CPED1: variants seen among roughly 807,000 people sequenced by gnomAD.
CPED1 encodes the protein cadherin-like and PC-esterase domain-containing protein 1.
A neutral mutation model predicts 128.2 loss-of-function variants in CPED1; 114 were observed. That is an observed-to-expected ratio of 0.89 (90% CI 0.76 to 1.04). The LOEUF (loss-of-function observed/expected upper bound fraction) is 1.04. Among genes scored for constraint, CPED1 ranks in the 50% least tolerant of loss-of-function variants. CPED1 has a pLI of 0.00. For missense variants in CPED1, 1,211 were observed against 1,207.1 expected, an observed-to-expected ratio of 1.00 and a Z score of -0.05; for synonymous variants, 462 against 426.7, an observed-to-expected ratio of 1.08 and a Z score of -1.02.
intron 7 of CPED1, among the ~76,000 whole-genome samples, chr7:121,105,051 G>T (rs973713607): frequency 3.9e-5 from 6 of 151,980 alleles, no homozygotes; most frequent in Non-Finnish European, 8.8e-5. Context: ...CTCTACCACC[G>T]CTGCACTGGC....
At position 121,037,999 on chromosome 7, in the gene CPED1, C is replaced by T. The variant is rs1792944423; in HGVS notation, c.434-8888C>T. ...TGTACATTAATTTTGTATCCTGAAA[C>T]TTTGCTGAATTCGTTTACCAGTTCT... On this transcript the variant is annotated intron_variant, in intron 3 of 22. Transcript: ENST00000310396. Among the ~76,000 whole-genome samples, 4 of 152,146 alleles carry T rather than the reference C, an allele frequency of 2.6e-5. No homozygotes were observed. In the South Asian group the frequency reaches 8.3e-4, roughly 31 times the overall value.
intron 16 of CPED1, among the ~76,000 whole-genome samples, chr7:121,182,908 T>G (rs1796929868): frequency 1.3e-5 from 2 of 152,070 alleles, no homozygotes; most frequent in Non-Finnish European, 2.9e-5. Context: ...GTTTCCTCCT[T>G]TTTTTCCTCA....
intron 16 of CPED1, among the ~76,000 whole-genome samples, chr7:121,150,795 G>A (rs1018568959): frequency 1.3e-5 from 2 of 151,160 alleles, no homozygotes; most frequent in Admixed American, 6.6e-5. Flanking sequence ...TAGAGATGGA[G>A]TCTCGCTCTG....
chr7:121,207,104 T>A (rs1797535889), intron 16 of CPED1, among the ~76,000 whole-genome samples: 1 of 152,048 alleles, frequency 6.6e-6, no homozygotes, highest in Admixed American at 6.6e-5. Flanking sequence ...AATGACTACA[T>A]AATATTTCAT....
chr7:121,236,944 G>A lies in CPED1; in HGVS notation c.2173+113G>A, dbSNP rs1056419745. The A allele has an allele frequency of 2.0e-5, 10 of 508,426 alleles. No homozygotes were observed. In the South Asian group the frequency reaches 2.6e-4, roughly 13 times the overall value. 31.5% of individuals were successfully genotyped at this position (508,426 alleles called of 1,614,324 possible). A position where few individuals can be genotyped will look rare whatever the true frequency, so the allele number is the denominator to read the frequency against. ...AAAAACAAGGGCATTACTTTTTATT[G>A]ACAATGAACTATAAAGCATATAATT... is the stretch of plus-strand genomic sequence containing the variant. On this transcript the variant is annotated intron_variant, in intron 17 of 22. Transcript: ENST00000310396.
At chr7:121,192,932 C>T (rs947858244) in intron 16 of CPED1, among the ~76,000 whole-genome samples, 4 of 152,064 alleles carry the variant, frequency 2.6e-5, no homozygotes, top group African/African-American at 9.7e-5. Context: ...CAGGATCAAC[C>T]ATGTATTTTC....
intron 18 of CPED1, among the ~76,000 whole-genome samples, chr7:121,253,361 T>C (rs1798731405): frequency 6.6e-6 from 1 of 151,294 alleles, no homozygotes; most frequent in Non-Finnish European, 1.5e-5. Flanking sequence ...TACCTAATTC[T>C]AAATGACGAG....
rs1386293537 is a variant in CPED1 at position 121,265,144 on chromosome 7, A to G, written c.2311-1083A>G. ...AAGAACTTTCAAGGCAGACAGACTA[A>G]CATAAGGAAAAGCAGATGTTGAATG... On this transcript the variant is annotated intron_variant, in intron 18 of 22. Transcript: ENST00000310396. 2.6e-5 allele frequency among the ~76,000 whole-genome samples: 4 copies of G among 152,082 alleles called. No homozygotes were observed. The East Asian group carries it at 7.7e-4, about 29-fold the overall frequency.
At chr7:121,058,588 C>T (rs1793563983) in intron 4 of CPED1, among the ~76,000 whole-genome samples, 1 of 152,176 alleles carries the variant, frequency 6.6e-6, no homozygotes, top group Non-Finnish European at 1.5e-5. Context: ...TGTCTAAGAC[C>T]TCCTAGCTAA....
chr7:121,201,993 C>T (rs557284310), intron 16 of CPED1, among the ~76,000 whole-genome samples: 4 of 152,206 alleles, frequency 2.6e-5, no homozygotes, highest in African/African-American at 7.2e-5. Context: ...ATTAATCCTG[C>T]AGCCATAATT....
intron 18 of CPED1, among the ~76,000 whole-genome samples, chr7:121,254,287 A>C (rs1256957707): frequency 6.6e-6 from 1 of 152,124 alleles, no homozygotes; most frequent in African/African-American, 2.4e-5. Flanking sequence ...CATGAATATT[A>C]AACAACTTGC....
At chr7:121,097,867 G>A (rs1281814380) in intron 6 of CPED1, 36 bp downstream of exon 6, 1 of 1,609,954 alleles carries the variant, frequency 6.2e-7, no homozygotes, top group East Asian at 2.2e-5. Flanking sequence ...TAACCAGCAT[G>A]CATTGTAGGA....
At chr7:121,203,505 C>T (rs1265706289) in intron 16 of CPED1, among the ~76,000 whole-genome samples, 1 of 152,108 alleles carries the variant, frequency 6.6e-6, no homozygotes, top group Non-Finnish European at 1.5e-5. Flanking sequence ...ACTCTGACAA[C>T]AGACCACTCT....
At chr7:121,194,887 G>A (rs1465390866) in intron 16 of CPED1, 3 of 152,042 alleles carry the variant, frequency 2.0e-5, no homozygotes, top group East Asian at 3.9e-4. Flanking sequence ...TCTTGCCTCA[G>A]CCTCCTGAGA....
chr7:121,206,664 C>T (rs983791907), intron 16 of CPED1, among the ~76,000 whole-genome samples: 1 of 151,688 alleles, frequency 6.6e-6, no homozygotes, highest in Non-Finnish European at 1.5e-5. Flanking sequence ...TTGTTTGTAA[C>T]CTCCATTTTT....
At chr7:121,194,048 A>ATTTTTTT (rs68159246) in intron 16 of CPED1, among the ~76,000 whole-genome samples, 17 of 47,456 alleles carry the variant, frequency 3.6e-4, no homozygotes, top group African/African-American at 5.7e-4. Context: ...ATATATATAT[A>ATTTTTTT]TTTTTTTTTT....
At chr7:121,080,198 T>C (rs1447156649) in intron 5 of CPED1, among the ~76,000 whole-genome samples, 1 of 151,832 alleles carries the variant, frequency 6.6e-6, no homozygotes, top group Non-Finnish European at 1.5e-5. Flanking sequence ...TCACCTAGCC[T>C]GAGTCTATTA....
intron 7 of CPED1, among the ~76,000 whole-genome samples, chr7:121,108,859 T>G (rs751132486): frequency 6.6e-6 from 1 of 152,074 alleles, no homozygotes; most frequent in African/African-American, 2.4e-5. Context: ...CACCACCCTG[T>G]CCCATTGCCC....
intron 16 of CPED1, among the ~76,000 whole-genome samples, chr7:121,175,146 T>C (rs1267985334): frequency 1.3e-5 from 2 of 152,116 alleles, no homozygotes; most frequent in Non-Finnish European, 2.9e-5. Flanking sequence ...TTTCTAGATA[T>C]AGAATCATGT....
Sources: gnomAD v4.1 joint callset for allele counts (sites outside exome capture counted in the v4.1 genomes callset) on GRCh38, gnomAD v4.1.1 for gene constraint, MANE v1.5 for transcripts, NCBI Gene and HGNC (gene_info 2026-07-23, HGNC 2026-07-21) for gene names.